The following GLYAT variants were observed in gnomAD, a reference collection of about 807,000 sequenced individuals.
GLYAT encodes glycine N-acyltransferase.
Under a neutral mutation model 22.8 loss-of-function variants are expected in GLYAT, and 25 were observed. That is an observed-to-expected ratio of 1.09 (90% confidence interval 0.80 to 1.53). The LOEUF is 1.53. Ranked by LOEUF, GLYAT falls within the 40% of genes most tolerant of loss-of-function variation. The pLI is 0.00. For synonymous variants in GLYAT, 140 were observed against 122.7 expected (o/e 1.14, Z -0.93); for missense variants, 411 against 353.9 (o/e 1.16, Z -1.29).
At chr11:58,712,406 GGGAAGTATTCTAT>G (rs1284729550) in intron 4 of GLYAT, among the ~76,000 whole-genome samples, 1 of 152,132 alleles carries the variant, frequency 6.6e-6, no homozygotes, top group Non-Finnish European at 1.5e-5. Flanking sequence ...TTGGTGACCT[GGGAAGTATTCTAT>G]GGCCAAATAA....
At chr11:58,723,716 T>C (rs942175084) in intron 2 of GLYAT, among the ~76,000 whole-genome samples, 1 of 152,016 alleles carries the variant, frequency 6.6e-6, no homozygotes, top group Non-Finnish European at 1.5e-5. Context: ...AATATATACA[T>C]ACAGACAAGA....
chr11:58,710,214 T>C (rs1464991484), intron 5 of GLYAT, 46 bp from the exon 6 acceptor site: 1 of 1,554,930 alleles, frequency 6.4e-7, no homozygotes, highest in African/African-American at 1.4e-5. Flanking sequence ...GTATAAAGGT[T>C]TGTATTTGCT....
At chr11:58,713,791 A>G (rs754545047) in intron 3 of GLYAT, among the ~76,000 whole-genome samples, 4 of 152,140 alleles carry the variant, frequency 2.6e-5, no homozygotes, top group Non-Finnish European at 4.4e-5. Context: ...CAATGATACC[A>G]CTGACACATT....
At chr11:58,723,446 A>G (rs1400311911) in intron 2 of GLYAT, among the ~76,000 whole-genome samples, 1 of 152,112 alleles carries the variant, frequency 6.6e-6, no homozygotes, top group Non-Finnish European at 1.5e-5. Context: ...TGCATCTCTG[A>G]TGAATGAAAA....
At chr11:58,731,737 T>C (rs987359955) in intron 1 of GLYAT, 98 bp downstream of exon 1, 1 of 152,198 alleles carries the variant, frequency 6.6e-6, no homozygotes, top group African/African-American at 2.4e-5. Context: ...ATGGATCCCA[T>C]ATACAATGCA....
At chr11:58,731,062 ATGG>A (rs1682279772) in intron 1 of GLYAT, among the ~76,000 whole-genome samples, 1 of 152,172 alleles carries the variant, frequency 6.6e-6, no homozygotes, top group Non-Finnish European at 1.5e-5. Context: ...AAATAAGTAA[ATGG>A]TGGTAGTACT....
intron 2 of GLYAT, among the ~76,000 whole-genome samples, chr11:58,717,339 G>GA (rs1281405501): frequency 1.3e-5 from 2 of 151,738 alleles, no homozygotes; most frequent in Admixed American, 6.6e-5. Context: ...GTGAAAGGGA[G>GA]AAAAAACAAC....
Position 58,724,498 on chromosome 11 carries a change from G to A in GLYAT, c.-2C>T, listed in dbSNP as rs1205018951. Reference sequence around the variant, plus strand: ...GGCACCTTGCAATGGTAACATCATGGAGGATACCTTAGCCTAGAAAGACAA... The same window carrying A: ...GGCACCTTGCAATGGTAACATCATGAAGGATACCTTAGCCTAGAAAGACAA... On this transcript the variant is annotated 5_prime_UTR_variant, in exon 2 of 6. Transcript: ENST00000344743. The A allele has an allele frequency of 2.5e-6, 4 of 1,589,108 alleles. No individual in the cohort carries two copies. The highest frequency in any genetic ancestry group is 3.4e-6 in the Non-Finnish European group (4 of 1,160,608).
At chr11:58,710,384 AG>A (rs1198278101) in intron 5 of GLYAT, 1 of 791,606 alleles carries the variant, frequency 1.3e-6, no homozygotes, top group Non-Finnish European at 2.0e-6. Context: ...TGGTAGCCAG[AG>A]GCCTGGTTTA....
Position 58,709,409 on chromosome 11 carries a change from A to C in GLYAT, c.*357T>G, listed in dbSNP as rs1856580682. On this transcript the variant is annotated 3_prime_UTR_variant, in exon 6 of 6. Transcript: ENST00000344743. The stretch of plus-strand genomic sequence containing the variant: ...TCATAGTGCTCAGAAAATTTAATTC[A>C]CCTCTTCCTAGCTCCCAGAAAAACT... The C allele has an allele frequency of 5.5e-6, 1 of 182,000 alleles. No individual in the cohort carries two copies. The highest frequency in any genetic ancestry group is 5.5e-5 in the Admixed American group (1 of 18,146). 11.3% of individuals were successfully genotyped at this position (182,000 alleles called of 1,614,324 possible). A position where few individuals can be genotyped will look rare whatever the true frequency, so the allele number is the denominator to read the frequency against.
Position 58,709,664 on chromosome 11 carries a change from C to T in GLYAT, c.*102G>A, listed in dbSNP as rs1856584453. The T allele has an allele frequency of 7.7e-7, 1 of 1,291,188 alleles. No homozygotes were observed. The highest frequency in any genetic ancestry group is 1.1e-6 in the Non-Finnish European group (1 of 928,244). 80.0% of individuals were successfully genotyped at this position (1,291,188 alleles called of 1,614,324 possible). ...CCCAGAGTCCAAACAGTGCCCACTC[C>T]TTTACTGCTGATTACAATTTATTAT... On this transcript the variant is annotated 3_prime_UTR_variant, in exon 6 of 6. Coordinates refer to ENST00000344743, the MANE Select transcript of GLYAT (RefSeq NM_201648.3).
intron 1 of GLYAT, among the ~76,000 whole-genome samples, chr11:58,726,146 C>T (rs772122526): frequency 6.6e-6 from 1 of 151,976 alleles, no homozygotes; most frequent in Non-Finnish European, 1.5e-5. Flanking sequence ...AGACAGTTAA[C>T]AACCACTGGA....
chr11:58,711,249 G>C (rs1044410097), intron 4 of GLYAT, among the ~76,000 whole-genome samples: 1 of 152,104 alleles, frequency 6.6e-6, no homozygotes, highest in Non-Finnish European at 1.5e-5. Flanking sequence ...AAGGTTTTAA[G>C]TTGCTAGCCA....
chr11:58,710,227 G>T, intron 5 of GLYAT, 59 bp from the exon 6 acceptor site: 1 of 1,535,942 alleles, frequency 6.5e-7, no homozygotes, highest in South Asian at 1.3e-5. Context: ...TATTTGCTGT[G>T]ACCTCTATTG....
intron 1 of GLYAT, among the ~76,000 whole-genome samples, chr11:58,729,074 C>G (rs1229998933): frequency 6.6e-6 from 1 of 152,098 alleles, no homozygotes; most frequent in Non-Finnish European, 1.5e-5. Flanking sequence ...TGGATTCTAC[C>G]TCTACCATCT....
chr11:58,720,373 C>T (rs1029923082), intron 2 of GLYAT, among the ~76,000 whole-genome samples: 3 of 152,004 alleles, frequency 2.0e-5, no homozygotes, highest in Admixed American at 2.0e-4. Flanking sequence ...TAATTGTTTA[C>T]CTGGATTATT....
chr11:58,721,375 A>AT (rs34529443), intron 2 of GLYAT, among the ~76,000 whole-genome samples: 110,722 of 151,526 alleles, frequency 0.73, 41,132 homozygotes, highest in Middle Eastern at 0.88. Flanking sequence ...ATTAAACTTC[A>AT]TTTTTTTCTT....
At chr11:58,710,541 G>A (rs776299595) in intron 5 of GLYAT, 49 bp downstream of exon 5, 2 of 1,374,792 alleles carry the variant, frequency 1.5e-6, no homozygotes, top group South Asian at 1.2e-5. Context: ...GAAGTTGGGA[G>A]GTTACTTGAG....
chr11:58,715,690 T>A (rs965233698), intron 2 of GLYAT, among the ~76,000 whole-genome samples: 1 of 152,182 alleles, frequency 6.6e-6, no homozygotes, highest in Non-Finnish European at 1.5e-5. Context: ...AAATTACTGA[T>A]ATTTGCTATT....
Sources: gnomAD v4.1 joint callset for allele counts (sites outside exome capture counted in the v4.1 genomes callset) on GRCh38, gnomAD v4.1.1 for gene constraint, MANE v1.5 for transcripts, NCBI Gene and HGNC (gene_info 2026-07-23, HGNC 2026-07-21) for gene names.